The following PDGFRL variants were observed in gnomAD, a reference collection of about 807,000 sequenced individuals.
The protein encoded by PDGFRL is platelet derived growth factor receptor like, also known as platelet-derived growth factor receptor-like protein.
In PDGFRL, 46 loss-of-function variants were observed where a neutral mutation model predicts 37.2. The observed-to-expected ratio is 1.24, with a 90% CI of 0.98 to 1.58. The LOEUF is 1.58. Ranked by LOEUF, PDGFRL falls within the 40% of genes most tolerant of loss-of-function variation. PDGFRL has a pLI of 0.00. For missense variants in PDGFRL, 692 were observed against 467.6 expected (o/e 1.48, Z -4.43); for synonymous variants, 251 against 184.3 (o/e 1.36, Z -2.93).
chr8:17,606,484 C>T (rs984909776), intron 2 of PDGFRL, among the ~76,000 whole-genome samples: 1 of 152,194 alleles, frequency 6.6e-6, no homozygotes, highest in Non-Finnish European at 1.5e-5. Context: ...TACTTGCCTT[C>T]AAATGGTCTT....
Position 17,579,699 on chromosome 8 carries a change from A to G in PDGFRL, c.55+2392A>G, listed in dbSNP as rs149552403. 2.7e-3 allele frequency among the ~76,000 whole-genome samples: 415 copies of G among 152,086 alleles called. 3 individuals carry two copies. The highest frequency in any genetic ancestry group is 9.9e-3 in the African/African-American group (409 of 41,456). ...TAGCCAAAGACAGCCTTCTAAGAGG[A>G]AAAGACTTCCCTGCAAGTGTGTATG... On this transcript the variant is annotated intron_variant, in intron 1 of 5. Coordinates refer to ENST00000251630, the MANE Select transcript of PDGFRL (RefSeq NM_001372073.1).
At position 17,634,095 on chromosome 8, in the gene PDGFRL, C is replaced by G. The variant is rs532327949; in HGVS notation, c.821C>G (p.Thr274Arg). ...YVAVPSGPPS[T>R]TILASSNKVK... ...CCAGTTCCCAGTGGCCCTCCCTCAACAACCATCTTGGCTTCTTCAAACAAA... is the reference window on the plus strand; with the variant it reads ...CCAGTTCCCAGTGGCCCTCCCTCAAGAACCATCTTGGCTTCTTCAAACAAA... The change falls in exon 5 of 6, where the codon ACA becomes AGA. Residue 274 changes from threonine to arginine, a missense_variant. By Grantham distance (71) the Thr-to-Arg change is moderately conservative. Coordinates refer to ENST00000251630, the MANE Select transcript of PDGFRL (RefSeq NM_001372073.1). 6.2e-7 allele frequency: 1 copy of G among 1,613,950 alleles called. No homozygotes were observed. Among genetic ancestry groups the G allele is most frequent in the African/African-American group, 1.3e-5 (1 of 74,942 alleles).
chr8:17,589,167 C>G (rs924335928), intron 1 of PDGFRL, among the ~76,000 whole-genome samples: 1 of 152,066 alleles, frequency 6.6e-6, no homozygotes, highest in African/African-American at 2.4e-5. Flanking sequence ...CACCTGAGGT[C>G]AGGACTTCGA....
intron 1 of PDGFRL, among the ~76,000 whole-genome samples, chr8:17,586,948 T>A (rs1803831492): frequency 6.6e-6 from 1 of 152,304 alleles, no homozygotes; most frequent in East Asian, 1.9e-4. Context: ...GTCTCAAAAA[T>A]TCAATGGTAA....
intron 2 of PDGFRL, among the ~76,000 whole-genome samples, chr8:17,609,488 AT>A (rs1401054373): frequency 6.6e-6 from 1 of 150,980 alleles, no homozygotes; most frequent in African/African-American, 2.4e-5. Flanking sequence ...AAAAAAAAAA[AT>A]TACCTGGGTG....
chr8:17,626,922 G>A (rs1180685505), intron 3 of PDGFRL, among the ~76,000 whole-genome samples: 1 of 152,216 alleles, frequency 6.6e-6, no homozygotes. Flanking sequence ...GGGGAGATAA[G>A]AGACTGGCTG....
chr8:17,586,066 C>G (rs571549710), intron 1 of PDGFRL, among the ~76,000 whole-genome samples: 1 of 152,208 alleles, frequency 6.6e-6, no homozygotes, highest in African/African-American at 2.4e-5. Flanking sequence ...ATTCTCATGC[C>G]TCAGCCTCCC....
At chr8:17,637,422 T>G (rs1804994772) in intron 5 of PDGFRL, among the ~76,000 whole-genome samples, 1 of 152,130 alleles carries the variant, frequency 6.6e-6, no homozygotes, top group Non-Finnish European at 1.5e-5. Flanking sequence ...ATGAAACCCA[T>G]TTGATCATGG....
chr8:17,625,537 T>A (rs1236917962), intron 3 of PDGFRL, among the ~76,000 whole-genome samples: 2 of 152,182 alleles, frequency 1.3e-5, no homozygotes, highest in African/African-American at 4.8e-5. Context: ...ATAAATACAT[T>A]TGCAGGGGAC....
chr8:17,634,685 G>T (rs1804933735), intron 5 of PDGFRL, among the ~76,000 whole-genome samples: 1 of 152,118 alleles, frequency 6.6e-6, no homozygotes, highest in African/African-American at 2.4e-5. Flanking sequence ...AAATGGAGCT[G>T]GAGGCCATTA....
chr8:17,577,156 G>A, upstream of PDGFRL: 5 of 1,508,988 alleles, frequency 3.3e-6, no homozygotes, highest in South Asian at 3.7e-5. Flanking sequence ...CTCCCGCTTC[G>A]GCGTCCCAGG....
chr8:17,621,247 C>G (rs148378723), intron 3 of PDGFRL, 45 bp downstream of exon 3: 5 of 1,420,936 alleles, frequency 3.5e-6, no homozygotes, highest in Non-Finnish European at 4.9e-6. Flanking sequence ...ACTTCTGGAC[C>G]GGGCTGAGAG....
intron 3 of PDGFRL, among the ~76,000 whole-genome samples, chr8:17,623,227 C>T (rs562420931): frequency 3.3e-5 from 5 of 152,300 alleles, no homozygotes; most frequent in African/African-American, 9.6e-5. Flanking sequence ...TGCCTTGAAC[C>T]TTTTGTAGGA....
In PDGFRL at chr8:17,636,333, T is replaced by C. The variant is rs1413407824; in HGVS notation, c.939+2120T>C. On this transcript the variant is annotated intron_variant, in intron 5 of 5. Transcript: ENST00000251630. ...ATTCAGTCTTATTCATCATCTACATTTGGCTTGCCAATTATCCCAGCACCA... is the reference window on the plus strand; with the variant it reads ...ATTCAGTCTTATTCATCATCTACATCTGGCTTGCCAATTATCCCAGCACCA... 5.3e-5 allele frequency among the ~76,000 whole-genome samples: 8 copies of C among 152,254 alleles called. No homozygotes were observed. The East Asian group carries it at 1.5e-3, about 29-fold the overall frequency.
chr8:17,603,695 G>T (rs1459920947), intron 2 of PDGFRL, among the ~76,000 whole-genome samples: 1 of 152,124 alleles, frequency 6.6e-6, no homozygotes, highest in African/African-American at 2.4e-5. Flanking sequence ...GAGATAAGAT[G>T]GTGAGCAAAA....
chr8:17,606,894 GTTTT>G (rs1198809504), intron 2 of PDGFRL, among the ~76,000 whole-genome samples: 89,635 of 123,932 alleles, frequency 0.72, 31,169 homozygotes, highest in Middle Eastern at 0.82. Flanking sequence ...TTGTTTTTTT[GTTTT>G]TTTTTTTTTT....
intron 4 of PDGFRL, among the ~76,000 whole-genome samples, chr8:17,633,122 C>T (rs983918729): frequency 1.3e-5 from 2 of 152,168 alleles, no homozygotes; most frequent in Admixed American, 6.5e-5. Flanking sequence ...CACCTGCTAG[C>T]ACATAGCATT....
intron 2 of PDGFRL, among the ~76,000 whole-genome samples, chr8:17,613,860 A>G (rs1804471170): frequency 6.6e-6 from 1 of 152,218 alleles, no homozygotes; most frequent in Non-Finnish European, 1.5e-5. Context: ...CCCCATCTCA[A>G]AAAAGAAAAG....
In PDGFRL at chr8:17,589,628, G is replaced by A. The variant is rs1803890391; in HGVS notation, c.216G>A (p.Leu72=). 16 of 1,613,976 alleles carry A rather than the reference G, an allele frequency of 9.9e-6. No individual in the cohort carries two copies. Among genetic ancestry groups the A allele is most frequent in the South Asian group, 5.5e-5 (5 of 91,074 alleles). The change falls in exon 2 of 6, where the codon CTG becomes CTA. Residue 72 remains leucine, a synonymous_variant. Coordinates refer to ENST00000251630, the MANE Select transcript of PDGFRL (RefSeq NM_001372073.1). ...PKTQSIMMQV[L]DKGRFQKPAA... ...CGCAGTCTATCATGATGCAAGTGCT[G>A]GATAAAGGTCGCTTCCAGAAACCCG... is the stretch of plus-strand genomic sequence containing the variant.
Sources: allele counts gnomAD v4.1 joint callset (sites outside exome capture counted in the v4.1 genomes callset), GRCh38; gene constraint gnomAD v4.1.1; transcripts MANE v1.5; gene names NCBI Gene and HGNC (gene_info 2026-07-23, HGNC 2026-07-21).